Variants in CLSTN2 observed in about 807,000 individuals in gnomAD.
CLSTN2 encodes the protein calsyntenin 2, also known as calsyntenin-2.
Under a neutral mutation model 101.2 loss-of-function variants are expected in CLSTN2, and 48 were observed. That is an observed-to-expected ratio of 0.47 (90% confidence interval 0.38 to 0.60). The LOEUF is 0.60. Among genes scored for constraint, CLSTN2 ranks in the 20% least tolerant of loss-of-function variants. The pLI, the probability that CLSTN2 is intolerant of heterozygous loss-of-function variation, is 0.00. For synonymous variants in CLSTN2, 481 were observed against 463.6 expected (o/e 1.04, Z -0.48); for missense variants, 1,160 against 1,238.2 (o/e 0.94, Z 0.95).
chr3:140,566,238 C>T lies in CLSTN2; in HGVS notation c.2853C>T (p.Ser951=), dbSNP rs1472602876. 12 of 1,571,712 alleles carry T rather than the reference C, an allele frequency of 7.6e-6. No individual in the cohort carries two copies. The highest frequency in any genetic ancestry group is 2.3e-5 in the East Asian group (1 of 42,968). The change falls in exon 17 of 17, where the codon TCC becomes TCT. Residue 951 remains serine (S), a synonymous_variant. Coordinates refer to ENST00000458420, the MANE Select transcript of CLSTN2 (RefSeq NM_022131.3). ...AAGCCCAGCTGGAGTGGGATGACTC[C>T]ACCCTCCCCTACTAGTGCCCAGGGG... The part of the protein sequence containing the change: ...ARQAQLEWDD[S]TLPY
intron 2 of CLSTN2, among the ~76,000 whole-genome samples, chr3:140,282,857 AC>A (rs1297331066): frequency 6.6e-6 from 1 of 152,162 alleles, no homozygotes; most frequent in Non-Finnish European, 1.5e-5. Flanking sequence ...GAGTATCTGG[AC>A]TTTTCCCACT....
rs1411304467 is a variant in CLSTN2 at position 140,082,677 on chromosome 3, C to T, written c.110-93274C>T. On this transcript the variant is annotated intron_variant, in intron 1 of 16. Coordinates refer to ENST00000458420, the MANE Select transcript of CLSTN2 (RefSeq NM_022131.3). ...CTTTCAAGCCTTGCTCTGTCACCATCCCCTTTCTGGAGTTGTCTTGCCAGA... is the reference window on the plus strand; with the variant it reads ...CTTTCAAGCCTTGCTCTGTCACCATTCCCTTTCTGGAGTTGTCTTGCCAGA... Among the ~76,000 whole-genome samples, 3 of 152,166 alleles carry T rather than the reference C, an allele frequency of 2.0e-5. No individual in the cohort carries two copies. The East Asian group carries it at 5.8e-4, about 29-fold the overall frequency.
intron 1 of CLSTN2, among the ~76,000 whole-genome samples, chr3:139,940,786 T>A (rs1935113753): frequency 6.6e-6 from 1 of 152,146 alleles, no homozygotes; most frequent in African/African-American, 2.4e-5. Flanking sequence ...CAGAGCTCCA[T>A]CTCATTCATC....
Position 140,015,429 on chromosome 3 carries a change from G to T in CLSTN2, c.109+79946G>T, listed in dbSNP as rs150004434. 3.5e-3 allele frequency among the ~76,000 whole-genome samples: 540 copies of T among 152,320 alleles called. 9 individuals are homozygous for T. The highest frequency in any genetic ancestry group is 0.012 in the African/African-American group (486 of 41,562). On this transcript the variant is annotated intron_variant, in intron 1 of 16. Coordinates refer to ENST00000458420, the MANE Select transcript of CLSTN2 (RefSeq NM_022131.3). ...TCACCTGAGAGAGAGAGATGACAGTGCTTGGATGAGGGTCACAGGAGTAGG... is the reference window on the plus strand; with the variant it reads ...TCACCTGAGAGAGAGAGATGACAGTTCTTGGATGAGGGTCACAGGAGTAGG...
At chr3:140,321,477 C>T (rs1037072457) in intron 2 of CLSTN2, among the ~76,000 whole-genome samples, 18 of 152,208 alleles carry the variant, frequency 1.2e-4, no homozygotes, top group Admixed American at 2.6e-4. Context: ...TTGCTCCCTA[C>T]ACCCTCAGGT....
chr3:139,983,854 G>T (rs2107825026), intron 1 of CLSTN2, among the ~76,000 whole-genome samples: 1 of 152,178 alleles, frequency 6.6e-6, no homozygotes, highest in Non-Finnish European at 1.5e-5. Flanking sequence ...TATTAACTTT[G>T]CATATTTGTA....
At chr3:139,976,331 T>G (rs1290490469) in intron 1 of CLSTN2, among the ~76,000 whole-genome samples, 2 of 152,148 alleles carry the variant, frequency 1.3e-5, no homozygotes, top group Non-Finnish European at 2.9e-5. Context: ...TTGCCACAAA[T>G]CTGAATATAA....
At position 140,175,801 on chromosome 3, in the gene CLSTN2, G is replaced by A. The variant is rs562807853; in HGVS notation, c.110-150G>A. 3.0e-5 allele frequency: 23 copies of A among 759,496 alleles called. No homozygotes were observed. In the East Asian group the frequency reaches 6.2e-4, roughly 20 times the overall value. The allele number at this position is 759,496 out of a possible 1,614,324, so 47.0% of individuals were successfully genotyped here. On this transcript the variant is annotated intron_variant, in intron 1 of 16. Coordinates refer to ENST00000458420, the MANE Select transcript of CLSTN2 (RefSeq NM_022131.3). Reference sequence around the variant, plus strand: ...CCGCACTTCTCTGAAGCTTTTCTGGGTTTAAAATGGGATTAACATGTTCCA... The same window carrying A: ...CCGCACTTCTCTGAAGCTTTTCTGGATTTAAAATGGGATTAACATGTTCCA...
intron 8 of CLSTN2, among the ~76,000 whole-genome samples, chr3:140,526,388 C>CCAAA (rs1935138858): frequency 1.3e-5 from 2 of 151,964 alleles, no homozygotes; most frequent in African/African-American, 4.8e-5. Context: ...AAGAAAACTA[C>CCAAA]CAAACACTGC....
chr3:140,366,854 G>T (rs1028531765), intron 2 of CLSTN2, among the ~76,000 whole-genome samples: 1 of 152,202 alleles, frequency 6.6e-6, no homozygotes, highest in Non-Finnish European at 1.5e-5. Context: ...AGGAAATGTT[G>T]AAGAGCCGAT....
chr3:140,279,922 C>A (rs1199920830), intron 2 of CLSTN2, among the ~76,000 whole-genome samples: 1 of 152,170 alleles, frequency 6.6e-6, no homozygotes, highest in Non-Finnish European at 1.5e-5. Flanking sequence ...CTTGCAGGTG[C>A]ACAATAAGCC....
rs1343944894 is a variant in CLSTN2 at position 140,176,054 on chromosome 3, T to G, written c.213T>G (p.Asp71Glu). 4.3e-6 allele frequency: 7 copies of G among 1,613,762 alleles called. No homozygotes were observed. The highest frequency in any genetic ancestry group is 5.9e-6 in the Non-Finnish European group (7 of 1,179,874). Reference protein sequence around the residue: ...LDPPLVALDKDAPVPFAGEIC... With the variant: ...LDPPLVALDKEAPVPFAGEIC... ...CACCACTGGTAGCCCTGGATAAAGA[T>G]GCACCGGTTCCTTTTGCAGGTGAGA... Residue 71 changes from aspartate (D) to glutamate (E), a missense_variant, in exon 2 of 17, where the codon GAT becomes GAG. Physicochemically the swap from Asp to Glu is conservative, Grantham distance 45 (BLOSUM62 2). Transcript: ENST00000458420.
intron 2 of CLSTN2, among the ~76,000 whole-genome samples, chr3:140,393,096 T>C (rs2088137160): frequency 6.6e-6 from 1 of 152,174 alleles, no homozygotes; most frequent in Non-Finnish European, 1.5e-5. Context: ...AATCACCTCT[T>C]AAAGGCCTCA....
intron 2 of CLSTN2, among the ~76,000 whole-genome samples, chr3:140,370,279 C>T (rs1396432613): frequency 6.6e-6 from 1 of 151,836 alleles, no homozygotes; most frequent in African/African-American, 2.4e-5. Flanking sequence ...AGTCAAGGTG[C>T]AGAATCGCTG....
At chr3:140,065,228 G>A (rs890394682) in intron 1 of CLSTN2, among the ~76,000 whole-genome samples, 5 of 152,210 alleles carry the variant, frequency 3.3e-5, no homozygotes, top group Admixed American at 3.3e-4. Flanking sequence ...GTGTGTGGAA[G>A]GTGAGGCCAG....
intron 1 of CLSTN2, among the ~76,000 whole-genome samples, chr3:140,016,973 A>G (rs2107753928): frequency 6.6e-6 from 1 of 152,256 alleles, no homozygotes; most frequent in East Asian, 1.9e-4. Context: ...TTAACTGCAC[A>G]AGCGATGTCG....
At chr3:140,412,814 T>C (rs1002353358) in intron 4 of CLSTN2, among the ~76,000 whole-genome samples, 1 of 151,788 alleles carries the variant, frequency 6.6e-6, no homozygotes, top group South Asian at 2.1e-4. Context: ...AAAGAAGAAA[T>C]CAAAAGGAAA....
intron 1 of CLSTN2, among the ~76,000 whole-genome samples, chr3:140,106,230 A>C (rs1290533545): frequency 6.6e-6 from 1 of 152,180 alleles, no homozygotes; most frequent in Non-Finnish European, 1.5e-5. Flanking sequence ...TCTGGAGAGA[A>C]GCCTCCTCTT....
At chr3:140,146,190 A>G (rs1172727445) in intron 1 of CLSTN2, among the ~76,000 whole-genome samples, 1 of 152,246 alleles carries the variant, frequency 6.6e-6, no homozygotes. Context: ...AAAATAAATA[A>G]AACTGGAAAA....
Sources: gnomAD v4.1 joint callset for allele counts (sites outside exome capture counted in the v4.1 genomes callset) on GRCh38, gnomAD v4.1.1 for gene constraint, MANE v1.5 for transcripts, NCBI Gene and HGNC (gene_info 2026-07-23, HGNC 2026-07-21) for gene names.